TRPM2: variants seen among roughly 807,000 people sequenced by gnomAD.
TRPM2 encodes transient receptor potential cation channel subfamily M member 2.
In TRPM2, 161 loss-of-function variants were observed where a neutral mutation model predicts 174.0. The ratio of observed to expected loss-of-function variants is 0.93; its 90% CI spans 0.81 to 1.05. TRPM2 has a LOEUF of 1.05. TRPM2 is among the 50% of genes least tolerant of loss of function. The pLI, the probability that TRPM2 is intolerant of heterozygous loss-of-function variation, is 0.00. For synonymous variants in TRPM2, 954 were observed against 861.3 expected, an observed-to-expected ratio of 1.11 and a Z score of -1.88; for missense variants, 2,057 against 2,038.0, an observed-to-expected ratio of 1.01 and a Z score of -0.18.
At chr21:44,429,810 G>C (rs1016634426) in intron 27 of TRPM2, among the ~76,000 whole-genome samples, 1 of 152,032 alleles carries the variant, frequency 6.6e-6, no homozygotes, top group African/African-American at 2.4e-5. Context: ...ATTGTGCTGG[G>C]TAAATTCTTC....
rs1386687720 is a variant in TRPM2 at position 44,399,582 on chromosome 21, C to T, written c.2208+141C>T. 14 of 1,149,408 alleles carry T rather than the reference C, an allele frequency of 1.2e-5. No homozygotes were observed. Among genetic ancestry groups the T allele is most frequent in the East Asian group, 8.7e-5 (3 of 34,412 alleles). The allele number at this position is 1,149,408 out of a possible 1,614,324, so 71.2% of individuals were successfully genotyped here. On this transcript the variant is annotated intron_variant, in intron 14 of 31. Transcript: ENST00000397928. The surrounding 1 kb of genome is among the most constrained non-coding windows in gnomAD (Gnocchi z 4.6). ...AGCTCGGGGACAGCGCCTGACCCCTCGGCCACCTGCTCCAGGCTCTGGCCT... is the reference window on the plus strand; with the variant it reads ...AGCTCGGGGACAGCGCCTGACCCCTTGGCCACCTGCTCCAGGCTCTGGCCT...
Position 44,438,968 on chromosome 21 carries a change from G to T in TRPM2, c.4168-99G>T, listed in dbSNP as rs113601312. ...CTGTGGCTCCCAGGGCTGGGCCGCT[G>T]CCCACGCCGGGCAGGAGGCCAGTGG... On this transcript the variant is annotated intron_variant, in intron 29 of 31. Transcript: ENST00000397928. The surrounding 1 kb of genome is among the most constrained non-coding windows in gnomAD (Gnocchi z 5.9). 2,563 of 959,772 alleles carry T rather than the reference G, an allele frequency of 2.7e-3. 47 individuals carry two copies. In the African/African-American group the frequency reaches 0.036, roughly 13 times the overall value. The allele number at this position is 959,772 out of a possible 1,614,324, so 59.5% of individuals were successfully genotyped here.
In TRPM2 at chr21:44,405,898, C is replaced by G; in HGVS notation, c.2658-7C>G. 1 of 1,600,108 alleles carries G rather than the reference C, an allele frequency of 6.2e-7. No individual in the cohort carries two copies. The highest frequency in any genetic ancestry group is 8.5e-7 in the Non-Finnish European group (1 of 1,178,882). Reference sequence around the variant, plus strand: ...CTGAGATGTGTGTGCTTCTGCCCGGCGGCCAGGCTCATCCCGGCGACGCTG... The same window carrying G: ...CTGAGATGTGTGTGCTTCTGCCCGGGGGCCAGGCTCATCCCGGCGACGCTG... On this transcript the variant is annotated splice_region_variant and splice_polypyrimidine_tract_variant and intron_variant, in intron 17 of 31. Transcript: ENST00000397928.
chr21:44,440,995 G>A (rs1472306003), intron 31 of TRPM2, 90 bp downstream of exon 31: 3 of 1,122,576 alleles, frequency 2.7e-6, no homozygotes, highest in Non-Finnish European at 4.0e-6. Context: ...AGGGATGGGG[G>A]TCTGGATTCT....
At chr21:44,441,060 G>A (rs375565516) in intron 31 of TRPM2, among the ~76,000 whole-genome samples, 155 bp downstream of exon 31, 4 of 152,164 alleles carry the variant, frequency 2.6e-5, no homozygotes, top group African/African-American at 7.2e-5. Context: ...GGCGGGGACC[G>A]GGGTCTGGAT....
intron 22 of TRPM2, among the ~76,000 whole-genome samples, chr21:44,419,523 C>A: frequency 5.4e-4 from 1 of 1,844 alleles, no homozygotes; most frequent in East Asian, 8.8e-3. Flanking sequence ...GTAGTGGGGG[C>A]GGTGGTGGTG....
In TRPM2 at chr21:44,441,938, G is replaced by T; in HGVS notation, c.*121G>T. 2.2e-6 allele frequency: 3 copies of T among 1,353,312 alleles called. No individual in the cohort carries two copies. The highest frequency in any genetic ancestry group is 1.9e-6 in the Non-Finnish European group (2 of 1,039,226). The allele number at this position is 1,353,312 out of a possible 1,614,324, so 83.8% of individuals were successfully genotyped here. A position where few individuals can be genotyped will look rare whatever the true frequency, so the allele number is the denominator to read the frequency against. ...TGGGCCCTGCACATGATGGGGTTTG[G>T]TGGACCCAGTGCCCCTCACGGCTGC... On this transcript the variant is annotated 3_prime_UTR_variant, in exon 32 of 32. Transcript: ENST00000397928.
rs747177433 is a variant in TRPM2 at position 44,401,901 on chromosome 21, C to T, written c.2538+4C>T. 68 of 1,613,410 alleles carry T rather than the reference C, an allele frequency of 4.2e-5. No homozygotes were observed. The highest frequency in any genetic ancestry group is 5.7e-5 in the Non-Finnish European group (67 of 1,179,966). On this transcript the variant is annotated splice_donor_region_variant and intron_variant, in intron 16 of 31. Transcript: ENST00000397928. ...GGTGTGCGAGGAGATGCGGCAGGTACAGCCCCACCCGCTTTTCCACGCCCC... is the reference window on the plus strand; with the variant it reads ...GGTGTGCGAGGAGATGCGGCAGGTATAGCCCCACCCGCTTTTCCACGCCCC...
chr21:44,378,977 C>A lies in TRPM2; in HGVS notation c.1015-20C>A, dbSNP rs1372061141. On this transcript the variant is annotated intron_variant, in intron 7 of 31. Coordinates refer to ENST00000397928, the MANE Select transcript of TRPM2 (RefSeq NM_003307.4). The stretch of plus-strand genomic sequence containing the variant: ...CGGTGAGGACCCAGTCCCGGGCTCA[C>A]ACCCCCACCTGCCTTGCAGACCATC... The A allele has an allele frequency of 1.3e-6, 2 of 1,598,958 alleles. No individual in the cohort carries two copies. The highest frequency in any genetic ancestry group is 2.2e-5 in the South Asian group (2 of 90,958).
intron 16 of TRPM2, among the ~76,000 whole-genome samples, chr21:44,403,568 A>G (rs2049710431): frequency 6.6e-6 from 1 of 151,632 alleles, no homozygotes; most frequent in African/African-American, 2.4e-5. Flanking sequence ...ATACATGCAT[A>G]TGTACACACA....
rs2051052632 is a variant in TRPM2 at position 44,432,292 on chromosome 21, GC to G, written c.3975-2838del. Among the ~76,000 whole-genome samples the G allele has an allele frequency of 6.6e-6, 1 of 152,158 alleles. No homozygotes were observed. Among genetic ancestry groups the G allele is most frequent in the East Asian group, 1.9e-4 (1 of 5,196 alleles). On this transcript the variant is annotated intron_variant, in intron 27 of 31. Transcript: ENST00000397928. This position sits in a 1 kb window ranked among gnomAD's most constrained non-coding sequence, Gnocchi z 4.9. ...GCCTCTCCAGCTCCTGGTGTTCCTG[GC>G]AGCCCTTCGTGTTCCTTGGCTTGTG... is the stretch of plus-strand genomic sequence containing the variant.
intron 19 of TRPM2, among the ~76,000 whole-genome samples, chr21:44,407,538 C>G (rs1049280441): frequency 4.8e-5 from 6 of 126,144 alleles, no homozygotes; most frequent in Non-Finnish European, 7.9e-5. Flanking sequence ...TTTTCAGTAT[C>G]TTTACAGAAT....
At chr21:44,395,122 T>C (rs1178170776) in intron 11 of TRPM2, among the ~76,000 whole-genome samples, 2 of 152,244 alleles carry the variant, frequency 1.3e-5, no homozygotes, top group African/African-American at 2.4e-5. Context: ...TGCCATCAGA[T>C]AAGACTGGGG....
At chr21:44,353,499 C>A, upstream of TRPM2, 1 of 657,456 alleles carries the variant, frequency 1.5e-6, no homozygotes, top group Non-Finnish European at 2.3e-6. Flanking sequence ...GGAACATGTG[C>A]AGGCTGATGA....
At chr21:44,383,026 A>C (rs1250011303) in intron 9 of TRPM2, among the ~76,000 whole-genome samples, 3 of 152,118 alleles carry the variant, frequency 2.0e-5, no homozygotes, top group African/African-American at 7.2e-5. Context: ...TTTATTTGTA[A>C]CTGGAATCCG....
intron 26 of TRPM2, 82 bp from the exon 27 acceptor site, chr21:44,426,928 G>T: frequency 6.9e-7 from 1 of 1,451,120 alleles, no homozygotes; most frequent in South Asian, 1.3e-5. Flanking sequence ...TGGGCCCTTG[G>T]TGGGGGGGTG....
At chr21:44,419,872 G>A (rs2050483745) in intron 22 of TRPM2, among the ~76,000 whole-genome samples, 1 of 150,670 alleles carries the variant, frequency 6.6e-6, no homozygotes, top group Non-Finnish European at 1.5e-5. Flanking sequence ...GGTGGTAGCG[G>A]TGATGGTGGT....
At chr21:44,361,395 G>T (rs912973128) in intron 2 of TRPM2, among the ~76,000 whole-genome samples, 1 of 152,200 alleles carries the variant, frequency 6.6e-6, no homozygotes, top group Non-Finnish European at 1.5e-5. Context: ...TTACAGGTGT[G>T]AGCTACCACA....
chr21:44,402,452 G>C (rs967287215), intron 16 of TRPM2, among the ~76,000 whole-genome samples: 8 of 152,182 alleles, frequency 5.3e-5, no homozygotes, highest in Non-Finnish European at 1.0e-4. Flanking sequence ...ATGATGTGTG[G>C]CCTCATGCAT....
Sources: allele counts gnomAD v4.1 joint callset (sites outside exome capture counted in the v4.1 genomes callset), GRCh38; gene constraint gnomAD v4.1.1; non-coding constraint Gnocchi (gnomAD v3.1); transcripts MANE v1.5; gene names NCBI Gene and HGNC (gene_info 2026-07-23, HGNC 2026-07-21).